POLR2C: variants seen among roughly 807,000 people sequenced by gnomAD.
POLR2C encodes RNA polymerase II subunit C.
In POLR2C, 36 loss-of-function variants were observed where a neutral mutation model predicts 41.7. That is an observed-to-expected ratio of 0.86 (90% CI 0.66 to 1.14). The LOEUF is 1.14. POLR2C is among the 50% of genes most tolerant of loss of function. The pLI is 0.00. For missense variants in POLR2C, 260 were observed against 350.4 expected (o/e 0.74, Z 2.06); for synonymous variants, 133 against 137.8 (o/e 0.96, Z 0.25).
chr16:57,470,624 G>A (rs780760304), intron 8 of POLR2C, among the ~76,000 whole-genome samples: 4 of 152,128 alleles, frequency 2.6e-5, no homozygotes, highest in East Asian at 1.9e-4. Flanking sequence ...TCAGGTCAAC[G>A]CTAGGGGCAG....
intron 7 of POLR2C, 27 bp from the exon 8 acceptor site, chr16:57,470,253 C>G: frequency 6.2e-7 from 1 of 1,610,032 alleles, no homozygotes. Context: ...CAGTGGCAAC[C>G]TTGTGCTGAC....
At chr16:57,463,626 G>C (rs1210543737) in intron 2 of POLR2C, 1 of 454,534 alleles carries the variant, frequency 2.2e-6, no homozygotes, top group Admixed American at 2.4e-5. Flanking sequence ...TGCGGTGTTT[G>C]GTTTTCTGTT....
At chr16:57,466,142 G>T (rs200568732) in intron 3 of POLR2C, 33 bp from the exon 4 acceptor site, 35 of 1,579,530 alleles carry the variant, frequency 2.2e-5, no homozygotes, top group Non-Finnish European at 3.0e-5. Flanking sequence ...TGGCTGTTTG[G>T]TTTTCTTTAA....
intron 4 of POLR2C, among the ~76,000 whole-genome samples, chr16:57,466,595 A>G (rs1363090578): frequency 6.6e-6 from 1 of 152,170 alleles, no homozygotes; most frequent in Non-Finnish European, 1.5e-5. Context: ...TCACAAGAGC[A>G]GCTCCTGGGG....
At position 57,465,758 on chromosome 16, in the gene POLR2C, T is replaced by TGGG. The variant is rs1423211839; in HGVS notation, c.137-194_137-192dup. On this transcript the variant is annotated intron_variant, in intron 2 of 8. Coordinates refer to ENST00000219252, the MANE Select transcript of POLR2C (RefSeq NM_032940.3). ...GGGAGCCCCCTGCATTAAATTCACC[T>TGGG]GGGCAGGGAGGTGAGGTGTGGTGTG... 26 of 544,422 alleles carry TGGG rather than the reference T, an allele frequency of 4.8e-5. 1 individual carries two copies. In the Admixed American group the frequency reaches 8.9e-4, roughly 19 times the overall value. The allele number at this position is 544,422 out of a possible 1,614,324, so 33.7% of individuals were successfully genotyped here. A position where few individuals can be genotyped will look rare whatever the true frequency, so the allele number is the denominator to read the frequency against.
chr16:57,462,919 C>T (rs2030609839), intron 1 of POLR2C, 109 bp downstream of exon 1: 4 of 1,214,822 alleles, frequency 3.3e-6, no homozygotes, highest in Non-Finnish European at 4.7e-6. Flanking sequence ...GGGCGATGTC[C>T]TTCCAGAGCT....
In POLR2C at chr16:57,469,594, G is replaced by C. The variant is rs145427785; in HGVS notation, c.388-116G>C. On this transcript the variant is annotated intron_variant, in intron 5 of 8. Transcript: ENST00000219252. The surrounding 1 kb of genome is among the most constrained non-coding windows in gnomAD (Gnocchi z 5.8). ...CTGGGGGCATCTGTGCCACCACCTC[G>C]TCAGGTGTTCGTTCCCTGGTTGACA... 1 of 919,014 alleles carries C rather than the reference G, an allele frequency of 1.1e-6. No individual in the cohort carries two copies. The highest frequency in any genetic ancestry group is 1.8e-6 in the Non-Finnish European group (1 of 560,794). The allele number at this position is 919,014 out of a possible 1,614,324, so 56.9% of individuals were successfully genotyped here.
In POLR2C at chr16:57,466,031, C is replaced by A; in HGVS notation, c.205+10C>A. The A allele has an allele frequency of 6.4e-7, 1 of 1,560,234 alleles. No homozygotes were observed. Among genetic ancestry groups the A allele is most frequent in the Non-Finnish European group, 8.8e-7 (1 of 1,131,114 alleles). On this transcript the variant is annotated intron_variant, in intron 3 of 8. Coordinates refer to ENST00000219252, the MANE Select transcript of POLR2C (RefSeq NM_032940.3). ...ATTGCTCACAGGCTTGGTGAGTACTCCTTTTACTAGGAGGTTAAAGGGAGG... is the reference window on the plus strand; with the variant it reads ...ATTGCTCACAGGCTTGGTGAGTACTACTTTTACTAGGAGGTTAAAGGGAGG...
rs2030768848 is a variant in POLR2C, at chr16:57,469,054, A to G, written c.259-111A>G. On this transcript the variant is annotated intron_variant, in intron 4 of 8. Coordinates refer to ENST00000219252, the MANE Select transcript of POLR2C (RefSeq NM_032940.3). The surrounding 1 kb of genome is among the most constrained non-coding windows in gnomAD (Gnocchi z 5.8). ...TGGATACTGATGAACCCCTTTTTAC[A>G]GGTGAAGAAACTTAAGGAACTGGGC... 9.5e-7 allele frequency: 1 copy of G among 1,052,570 alleles called. No individual in the cohort carries two copies. Among genetic ancestry groups the G allele is most frequent in the Non-Finnish European group, 1.4e-6 (1 of 710,942 alleles). The allele number at this position is 1,052,570 out of a possible 1,614,324, so 65.2% of individuals were successfully genotyped here. A position where few individuals can be genotyped will look rare whatever the true frequency, so the allele number is the denominator to read the frequency against.
chr16:57,465,264 A>G (rs2030677480), intron 2 of POLR2C, among the ~76,000 whole-genome samples: 1 of 152,136 alleles, frequency 6.6e-6, no homozygotes, highest in Non-Finnish European at 1.5e-5. Flanking sequence ...CGCTGTTCCT[A>G]GTGTCTGTGT....
intron 4 of POLR2C, among the ~76,000 whole-genome samples, chr16:57,467,228 G>A (rs113835500): frequency 0.017 from 2,598 of 152,178 alleles, 37 homozygotes; most frequent in Non-Finnish European, 0.025. Flanking sequence ...GTGAGACTCC[G>A]TCTCAAAAAA....
chr16:57,466,122 C>G (rs1188033301), intron 3 of POLR2C, 53 bp from the exon 4 acceptor site: 10 of 1,506,728 alleles, frequency 6.6e-6, no homozygotes, highest in Non-Finnish European at 9.2e-6. Flanking sequence ...TCTGGGTTCT[C>G]ATTTTGGCTT....
rs749794063 is a variant in POLR2C at position 57,470,339 on chromosome 16, A to G, written c.668A>G (p.Asn223Ser). 8 of 1,608,516 alleles carry G rather than the reference A, an allele frequency of 5.0e-6. No individual in the cohort carries two copies. The African/African-American group carries it at 5.4e-5, about 11-fold the overall frequency. Residue 223 changes from asparagine to serine, a missense_variant, in exon 8 of 9, where the codon AAC (asparagine) becomes AGC (serine). By Grantham distance (46) the Asn-to-Ser change is conservative. Transcript: ENST00000219252. ...GAGTCGCAGGCTCCCTATGACCCCA[A>G]CGGCAAGCCAGAAAGGTAAGAGCCT... ...EDESQAPYDPNGKPERFYYNV... is the reference protein window; with the variant it reads ...EDESQAPYDPSGKPERFYYNV...
intron 2 of POLR2C, chr16:57,463,612 C>T (rs563906467): frequency 6.6e-6 from 3 of 453,462 alleles, no homozygotes; most frequent in South Asian, 1.6e-5. Context: ...AGTTTTAGCT[C>T]CCATGCGGTG....
At chr16:57,466,073 C>A in intron 3 of POLR2C, 52 bp downstream of exon 3, 3 of 1,414,568 alleles carry the variant, frequency 2.1e-6, no homozygotes, top group Non-Finnish European at 3.0e-6. Flanking sequence ...TGCCTAGTGT[C>A]AGGAGGGGGC....
rs766171932 is a variant in POLR2C, at chr16:57,469,927, C to G, written c.440-34C>G. On this transcript the variant is annotated intron_variant, in intron 6 of 8. Coordinates refer to ENST00000219252, the MANE Select transcript of POLR2C (RefSeq NM_032940.3). The surrounding 1 kb of genome is among the most constrained non-coding windows in gnomAD (Gnocchi z 5.8). The stretch of plus-strand genomic sequence containing the variant: ...CAGAATTTGGAGAAGCATGTCTCTC[C>G]TGGCCCTTGACTGACTTGTGCCTCT... 6.2e-7 allele frequency: 1 copy of G among 1,608,386 alleles called. No individual in the cohort carries two copies. Among genetic ancestry groups the G allele is most frequent in the Non-Finnish European group, 8.5e-7 (1 of 1,177,402 alleles).
rs1349473546 is a variant in POLR2C, at chr16:57,471,762, T to TGGGGGTGGGGGTGGGGGG, written c.*645_*646insGGGTGGGGGTGGGGGGGG. ...GTGGGGGTGGGGGTGGGGGTGGGGG[T>TGGGGGTGGGGGTGGGGGG]GGAAGCAGCCGCAGGAGCAAGGGCC... On this transcript the variant is annotated 3_prime_UTR_variant, in exon 9 of 9. Transcript: ENST00000219252. 7.9e-6 allele frequency: 1 copy of TGGGGGTGGGGGTGGGGGG among 126,898 alleles called. No individual in the cohort carries two copies. Among genetic ancestry groups the TGGGGGTGGGGGTGGGGGG allele is most frequent in the Admixed American group, 7.7e-5 (1 of 13,020 alleles). 7.9% of individuals were successfully genotyped at this position (126,898 alleles called of 1,614,324 possible). A position where few individuals can be genotyped will look rare whatever the true frequency, so the allele number is the denominator to read the frequency against.
rs768072079 is a variant in POLR2C, at chr16:57,469,292, C to T, written c.386C>T (p.Pro129Leu). The T allele has an allele frequency of 9.3e-6, 15 of 1,614,024 alleles. No individual in the cohort carries two copies. Among genetic ancestry groups the T allele is most frequent in the Non-Finnish European group, 1.2e-5 (14 of 1,179,984 alleles). The stretch of plus-strand genomic sequence containing the variant: ...ATCTCCAACAGCCCCCGGGTCATTC[C>T]GGTCAGTGCGGGAGAGCATCCTCTT... ...DLISNSPRVI[P>L]VTSRNRDNDP... Residue 129 changes from proline to leucine, a missense_variant and splice_region_variant, in exon 5 of 9, where the codon CCG (proline) becomes CTG (leucine). By Grantham distance (98) the Pro-to-Leu change is moderately conservative. Transcript: ENST00000219252. This position sits in a 1 kb window ranked among gnomAD's most constrained non-coding sequence, Gnocchi z 5.8.
intron 3 of POLR2C, 30 bp downstream of exon 3, chr16:57,466,051 G>A: frequency 6.7e-7 from 1 of 1,489,920 alleles, no homozygotes; most frequent in Non-Finnish European, 9.4e-7. Flanking sequence ...GGAGGTTAAA[G>A]GGAGGGTATT....
Sources: allele counts gnomAD v4.1 joint callset (sites outside exome capture counted in the v4.1 genomes callset), GRCh38; gene constraint gnomAD v4.1.1; non-coding constraint Gnocchi (gnomAD v3.1); transcripts MANE v1.5; gene names NCBI Gene and HGNC (gene_info 2026-07-23, HGNC 2026-07-21).